PHF24: variants seen among roughly 807,000 people sequenced by gnomAD.
PHF24 encodes Galpha inhibitory interacting protein.
Under a neutral mutation model 42.6 loss-of-function variants are expected in PHF24, and 25 were observed. The observed-to-expected ratio is 0.59, with a 90% CI of 0.43 to 0.82. The LOEUF is 0.82. Ranked by LOEUF, PHF24 falls within the 40% of genes least tolerant of loss-of-function variation. PHF24 has a pLI of 0.00. For synonymous variants in PHF24, 185 were observed against 204.8 expected (o/e 0.90, Z 0.83); for missense variants, 470 against 538.1 (o/e 0.87, Z 1.25).
At chr9:34,732,108 C>T in the PHF24 span, among the ~76,000 whole-genome samples, 2 of 151,730 alleles carry the variant, frequency 1.3e-5, no homozygotes, top group Non-Finnish European at 2.9e-5. Context: ...GTGATCCTCC[C>T]ACCTCGGCCT....
At chr9:34,794,442 T>G in the PHF24 span, among the ~76,000 whole-genome samples, 1 of 152,108 alleles carries the variant, frequency 6.6e-6, no homozygotes, top group Non-Finnish European at 1.5e-5. Context: ...ATTCAACATA[T>G]GAAACCAGGA....
At chr9:34,694,326 C>T in the PHF24 span, among the ~76,000 whole-genome samples, 12 of 151,784 alleles carry the variant, frequency 7.9e-5, no homozygotes, top group East Asian at 1.5e-3. Flanking sequence ...CGCACCACCA[C>T]GCTTGGCTAA....
the PHF24 span, among the ~76,000 whole-genome samples, chr9:34,875,854 A>G: frequency 6.7e-6 from 1 of 150,080 alleles, no homozygotes; most frequent in African/African-American, 2.5e-5. Context: ...CCAGCCTCTC[A>G]TTTCAAGAAC....
the PHF24 span, among the ~76,000 whole-genome samples, chr9:34,753,081 A>G: frequency 6.6e-6 from 1 of 152,198 alleles, no homozygotes; most frequent in Non-Finnish European, 1.5e-5. Context: ...TATCATACTG[A>G]ATGGGGAAAA....
the PHF24 span, among the ~76,000 whole-genome samples, chr9:34,713,970 G>A: frequency 6.6e-6 from 1 of 152,158 alleles, no homozygotes; most frequent in African/African-American, 2.4e-5. Flanking sequence ...GTTGCTCTTG[G>A]GGAAGGATGG....
At chr9:34,928,751 A>G in the PHF24 span, among the ~76,000 whole-genome samples, 4 of 152,152 alleles carry the variant, frequency 2.6e-5, no homozygotes, top group South Asian at 2.1e-4. Flanking sequence ...CTGGACTCCA[A>G]TTGAGATGTA....
the PHF24 span, among the ~76,000 whole-genome samples, chr9:34,823,530 A>G: frequency 6.6e-6 from 1 of 152,058 alleles, no homozygotes; most frequent in African/African-American, 2.4e-5. Flanking sequence ...CTAAGCCCCT[A>G]CCTGTCACCT....
chr9:34,824,751 G>GCT, the PHF24 span, among the ~76,000 whole-genome samples: 1 of 152,184 alleles, frequency 6.6e-6, no homozygotes, highest in Non-Finnish European at 1.5e-5. Context: ...CAGGTTGTTT[G>GCT]CTGTTTCTGG....
the PHF24 span, among the ~76,000 whole-genome samples, chr9:34,839,003 T>C: frequency 6.6e-6 from 1 of 152,102 alleles, no homozygotes; most frequent in African/African-American, 2.4e-5. Flanking sequence ...TTTCAGGCAA[T>C]GGGTGATTGG....
chr9:34,710,671 G>A, the PHF24 span, among the ~76,000 whole-genome samples: 2 of 151,078 alleles, frequency 1.3e-5, no homozygotes, highest in Non-Finnish European at 2.9e-5. Flanking sequence ...GAGGTTTCAC[G>A]ATGTCTAGCC....
chr9:34,759,873 T>C, the PHF24 span, among the ~76,000 whole-genome samples: 4 of 152,176 alleles, frequency 2.6e-5, no homozygotes, highest in African/African-American at 9.7e-5. Flanking sequence ...GAGCCAAAAA[T>C]AGTCTCATGT....
the PHF24 span, among the ~76,000 whole-genome samples, chr9:34,911,148 C>A: frequency 6.6e-6 from 1 of 151,872 alleles, no homozygotes; most frequent in Non-Finnish European, 1.5e-5. Context: ...ACTAACTATT[C>A]TTGGTTTTGC....
At chr9:34,728,638 C>T in the PHF24 span, 4 of 1,551,366 alleles carry the variant, frequency 2.6e-6, no homozygotes, top group South Asian at 1.2e-5. Flanking sequence ...AGCTCTTTGC[C>T]TGACTTTTTG....
At chr9:34,679,904 A>G in the PHF24 span, among the ~76,000 whole-genome samples, 1 of 152,060 alleles carries the variant, frequency 6.6e-6, no homozygotes, top group Non-Finnish European at 1.5e-5. Flanking sequence ...TTTAATTTTT[A>G]TTTTTGCCTG....
At chr9:34,697,196 G>A in the PHF24 span, among the ~76,000 whole-genome samples, 53 of 152,316 alleles carry the variant, frequency 3.5e-4, no homozygotes, top group African/African-American at 1.1e-3. Flanking sequence ...CTAGAACCTC[G>A]CTGGCCTGTT....
the PHF24 span, among the ~76,000 whole-genome samples, chr9:34,826,093 A>G: frequency 2.0e-5 from 3 of 151,392 alleles, no homozygotes; most frequent in African/African-American, 7.3e-5. Flanking sequence ...GGCAGCACCC[A>G]CCCCTCCTTC....
At chr9:34,939,476 A>G in the PHF24 span, among the ~76,000 whole-genome samples, 1 of 152,062 alleles carries the variant, frequency 6.6e-6, no homozygotes, top group Admixed American at 6.5e-5. Context: ...CCTGAGAAGG[A>G]GAGGAGGAAA....
At chr9:34,913,246 G>A in the PHF24 span, among the ~76,000 whole-genome samples, 1 of 152,242 alleles carries the variant, frequency 6.6e-6, no homozygotes, top group South Asian at 2.1e-4. Flanking sequence ...CAGGAGAGGA[G>A]AAAAAGATTG....
At chr9:34,675,720 C>G in the PHF24 span, among the ~76,000 whole-genome samples, 2 of 152,186 alleles carry the variant, frequency 1.3e-5, no homozygotes, top group Admixed American at 6.5e-5. Flanking sequence ...TTGGGTCACT[C>G]TGAACCTCAG....
Sources: allele counts gnomAD v4.1 joint callset (sites outside exome capture counted in the v4.1 genomes callset), GRCh38; gene constraint gnomAD v4.1.1; transcripts MANE v1.5; gene names NCBI Gene and HGNC (gene_info 2026-07-23, HGNC 2026-07-21).